GATAD2A: variants seen among roughly 807,000 people sequenced by gnomAD.
The protein encoded by GATAD2A is transcriptional repressor p66-alpha.
In GATAD2A, 12 loss-of-function variants were observed where a neutral mutation model predicts 68.5. The observed-to-expected ratio is 0.18, with a 90% CI of 0.11 to 0.28. GATAD2A has a LOEUF of 0.28. Among genes scored for constraint, GATAD2A ranks in the 10% least tolerant of loss-of-function variants. The pLI is 1.00. For synonymous variants in GATAD2A, 410 were observed against 375.3 expected, an observed-to-expected ratio of 1.09 and a Z score of -1.07; for missense variants, 755 against 868.5, an observed-to-expected ratio of 0.87 and a Z score of 1.64.
In GATAD2A at chr19:19,465,487, G is replaced by T. The variant is rs775568438; in HGVS notation, c.142G>T (p.Val48Leu). Residue 48 changes from valine (V) to leucine (L), a missense_variant, in exon 2 of 12, where the codon GTG becomes TTG. Transcript: ENST00000683918. ...TTTAAACACTGACGGAGACATGAGGGTGACACCTGAGCCGGGAGCAGGTCC... is the reference window on the plus strand; with the variant it reads ...TTTAAACACTGACGGAGACATGAGGTTGACACCTGAGCCGGGAGCAGGTCC... ...SDLNTDGDMR[V>L]TPEPGAGPTQ... is the part of the protein sequence containing the mutation. The T allele has an allele frequency of 5.0e-6, 8 of 1,613,922 alleles. No individual in the cohort carries two copies. The Admixed American group carries it at 8.3e-5, about 17-fold the overall frequency.
chr19:19,483,050 G>T (rs946601776), intron 2 of GATAD2A, among the ~76,000 whole-genome samples: 4 of 152,110 alleles, frequency 2.6e-5, no homozygotes, highest in Non-Finnish European at 5.9e-5. Flanking sequence ...AGGGGCTGTT[G>T]CGTTCCTAGA....
chr19:19,442,982 G>T (rs1226393903), intron 1 of GATAD2A, among the ~76,000 whole-genome samples: 1 of 152,094 alleles, frequency 6.6e-6, no homozygotes. Flanking sequence ...TCGCATGGCA[G>T]TGCTGGCCCG....
intron 2 of GATAD2A, among the ~76,000 whole-genome samples, chr19:19,473,066 C>G (rs867837370): frequency 2.6e-5 from 4 of 152,156 alleles, no homozygotes; most frequent in African/African-American, 9.7e-5. Flanking sequence ...CTGTGGCTTC[C>G]GTGGTCCATG....
chr19:19,440,415 C>T (rs967298049), intron 1 of GATAD2A: 22 of 210,948 alleles, frequency 1.0e-4, no homozygotes, highest in Admixed American at 4.0e-4. Flanking sequence ...GGACTACAGG[C>T]GCCCGCCACC....
chr19:19,474,518 A>G (rs2058537588), intron 2 of GATAD2A, among the ~76,000 whole-genome samples: 1 of 151,500 alleles, frequency 6.6e-6, no homozygotes, highest in East Asian at 1.9e-4. Context: ...CTTCCTTCTG[A>G]GTGTTTTGGG....
chr19:19,476,385 A>G (rs1217538522), intron 2 of GATAD2A, among the ~76,000 whole-genome samples: 4 of 152,076 alleles, frequency 2.6e-5, no homozygotes, highest in Non-Finnish European at 5.9e-5. Context: ...TTTGTCACTC[A>G]CTGACAGGCT....
chr19:19,442,811 T>C (rs1450159319), intron 1 of GATAD2A, among the ~76,000 whole-genome samples: 3 of 151,122 alleles, frequency 2.0e-5, no homozygotes, highest in Non-Finnish European at 2.9e-5. Context: ...TATTGGTGCT[T>C]AAAGGACAAG....
At chr19:19,435,578 G>T (rs1043645357) in intron 1 of GATAD2A, among the ~76,000 whole-genome samples, 3 of 152,146 alleles carry the variant, frequency 2.0e-5, no homozygotes, top group African/African-American at 7.2e-5. Flanking sequence ...GGCTGGGCAC[G>T]GTGGCTCATG....
At chr19:19,497,583 A>G (rs555721732) in intron 7 of GATAD2A, among the ~76,000 whole-genome samples, 1 of 152,194 alleles carries the variant, frequency 6.6e-6, no homozygotes, top group Admixed American at 6.5e-5. Flanking sequence ...TGAGGGGACA[A>G]CAAACCAGCA....
At chr19:19,426,057 G>A (rs1171738968) in intron 1 of GATAD2A, among the ~76,000 whole-genome samples, 1 of 152,112 alleles carries the variant, frequency 6.6e-6, no homozygotes, top group Non-Finnish European at 1.5e-5. Flanking sequence ...CAAAGTGCTG[G>A]GATTACAGGC....
intron 2 of GATAD2A, among the ~76,000 whole-genome samples, chr19:19,467,600 A>G (rs1407854708): frequency 6.6e-6 from 1 of 152,032 alleles, no homozygotes. Context: ...ATCCATTTTC[A>G]TTGCTGTATA....
intron 2 of GATAD2A, among the ~76,000 whole-genome samples, chr19:19,474,876 C>T (rs2058564648): frequency 6.6e-6 from 1 of 152,198 alleles, no homozygotes; most frequent in Non-Finnish European, 1.5e-5. Context: ...ACTGGGTCCC[C>T]AGAGAGGTTG....
At chr19:19,478,437 CA>C (rs891968858) in intron 2 of GATAD2A, among the ~76,000 whole-genome samples, 7 of 151,830 alleles carry the variant, frequency 4.6e-5, no homozygotes, top group Non-Finnish European at 8.8e-5. Flanking sequence ...CCCGTTGCTA[CA>C]AAAAAAGTAG....
intron 1 of GATAD2A, among the ~76,000 whole-genome samples, chr19:19,459,936 T>A (rs2057277603): frequency 6.6e-6 from 1 of 152,234 alleles, no homozygotes; most frequent in South Asian, 2.1e-4. Context: ...AGCTGCTGTT[T>A]CCGGTGTGGC....
chr19:19,446,733 T>A (rs2055765482), intron 1 of GATAD2A, among the ~76,000 whole-genome samples: 1 of 152,174 alleles, frequency 6.6e-6, no homozygotes, highest in African/African-American at 2.4e-5. Context: ...GTTTTGTTTT[T>A]ATTTTTTTGT....
intron 2 of GATAD2A, among the ~76,000 whole-genome samples, chr19:19,471,962 C>G (rs747972464): frequency 6.6e-6 from 1 of 152,048 alleles, no homozygotes; most frequent in Non-Finnish European, 1.5e-5. Flanking sequence ...GTGGTGCAGT[C>G]GTAGCTCACT....
chr19:19,507,072 G>A lies in GATAD2A; in HGVS notation c.*1598G>A. ...TTTGGAAAACATTATCTAATTTTTT[G>A]TTGTGCAAATCCCCAAATTTCTCAC... is the stretch of plus-strand genomic sequence containing the variant. On this transcript the variant is annotated 3_prime_UTR_variant, in exon 12 of 12. Coordinates refer to ENST00000683918, the MANE Select transcript of GATAD2A (RefSeq NM_001384528.1). 1 of 151,994 alleles carries A rather than the reference G, an allele frequency of 6.6e-6. No homozygotes were observed. Among genetic ancestry groups the A allele is most frequent in the East Asian group, 1.9e-4 (1 of 5,190 alleles). The allele number at this position is 151,994 out of a possible 1,614,324, so 9.4% of individuals were successfully genotyped here.
In GATAD2A at chr19:19,492,703, C is replaced by T. The variant is rs199695439; in HGVS notation, c.525C>T (p.Thr175=). Residue 175 remains threonine, a synonymous_variant, in exon 4 of 12, where the codon ACC becomes ACT. Transcript: ENST00000683918. ...LRQSQIQKEA[T]AQKPTGSVGS... ...AGAGTCAAATACAAAAGGAAGCCAC[C>T]GCCCAGAAGGTGCGTGCCTGTCTCC... is the stretch of plus-strand genomic sequence containing the variant. The T allele has an allele frequency of 9.5e-5, 153 of 1,613,996 alleles. No homozygotes were observed. Among genetic ancestry groups the T allele is most frequent in the East Asian group, 3.6e-4 (16 of 44,890 alleles).
intron 4 of GATAD2A, among the ~76,000 whole-genome samples, chr19:19,493,898 G>A (rs1250899526): frequency 1.3e-5 from 2 of 152,086 alleles, no homozygotes; most frequent in Non-Finnish European, 2.9e-5. Flanking sequence ...GCTTTAAAAA[G>A]TGCCCAGAGT....
Sources: allele counts gnomAD v4.1 joint callset (sites outside exome capture counted in the v4.1 genomes callset), GRCh38; gene constraint gnomAD v4.1.1; transcripts MANE v1.5; gene names NCBI Gene and HGNC (gene_info 2026-07-23, HGNC 2026-07-21).